Variants in SGCE observed in about 807,000 individuals in gnomAD.
The protein encoded by SGCE is sarcoglycan epsilon.
Under a neutral mutation model 57.8 loss-of-function variants are expected in SGCE, and 26 were observed. The observed-to-expected ratio is 0.45, with a 90% CI of 0.33 to 0.62. The LOEUF is 0.62. Ranked by LOEUF, SGCE falls within the 20% of genes least tolerant of loss-of-function variation. SGCE has a pLI of 0.02. For synonymous variants in SGCE, 183 were observed against 189.5 expected, an observed-to-expected ratio of 0.97 and a Z score of 0.28; for missense variants, 468 against 548.6, an observed-to-expected ratio of 0.85 and a Z score of 1.47.
At chr7:94,624,521 T>C (rs1803383783) in intron 3 of SGCE, 2 of 293,288 alleles carry the variant, frequency 6.8e-6, no homozygotes, top group East Asian at 5.4e-5. Context: ...TCATATTTAA[T>C]TATTTCCTTG....
At chr7:94,642,644 A>G (rs1051824579) in intron 1 of SGCE, among the ~76,000 whole-genome samples, 2 of 152,184 alleles carry the variant, frequency 1.3e-5, no homozygotes, top group Non-Finnish European at 2.9e-5. Context: ...ATAAACTATT[A>G]CCTGAAAACC....
At chr7:94,651,659 T>G (rs962799964) in intron 1 of SGCE, among the ~76,000 whole-genome samples, 1 of 152,164 alleles carries the variant, frequency 6.6e-6, no homozygotes, top group African/African-American at 2.4e-5. Context: ...GAACAAAGAC[T>G]AGAAGGGATA....
chr7:94,610,996 T>C (rs1165139756), intron 5 of SGCE, among the ~76,000 whole-genome samples: 3 of 152,160 alleles, frequency 2.0e-5, no homozygotes, highest in Admixed American at 2.0e-4. Flanking sequence ...AGGCAGATAA[T>C]AGCTAGTGCT....
intron 9 of SGCE, 189 bp from the exon 10 acceptor site, chr7:94,588,921 A>G (rs1392617787): frequency 6.5e-6 from 4 of 618,266 alleles, no homozygotes; most frequent in African/African-American, 3.7e-5. Context: ...AAAATTAACA[A>G]TATTTGATAA....
intron 9 of SGCE, among the ~76,000 whole-genome samples, chr7:94,590,222 T>TAATA (rs1797486488): frequency 6.6e-6 from 1 of 152,148 alleles, no homozygotes; most frequent in Admixed American, 6.5e-5. Context: ...ATTACTCTTA[T>TAATA]AGTTTAAAAA....
In SGCE at chr7:94,651,935, TTA is replaced by T. The variant is rs760361632; in HGVS notation, c.109+4053_109+4054del. On this transcript the variant is annotated intron_variant, in intron 1 of 10. Coordinates refer to ENST00000648936, the MANE Select transcript of SGCE (RefSeq NM_003919.3). ...AGAAACATTGGCTTTTTCTTCTTTA[TTA>T]TTTTTTTTTTTTGTTTCTCGTACTG... 9.0e-3 allele frequency among the ~76,000 whole-genome samples: 1,071 copies of T among 118,376 alleles called. 5 individuals carry two copies. Among genetic ancestry groups the T allele is most frequent in the Non-Finnish European group, 0.015 (813 of 52,598 alleles). 77.7% of individuals were successfully genotyped at this position (118,376 alleles called of 152,430 possible).
At chr7:94,587,397 C>G in intron 10 of SGCE, 1 of 1,117,210 alleles carries the variant, frequency 9.0e-7, no homozygotes, top group Non-Finnish European at 1.1e-6. Flanking sequence ...CCTACTCACT[C>G]CATGCCTGAA....
intron 10 of SGCE, chr7:94,586,683 G>A: frequency 4.7e-6 from 1 of 210,610 alleles, no homozygotes; most frequent in Non-Finnish European, 8.2e-6. Flanking sequence ...TATTTTTTTA[G>A]TAGAGACAGG....
intron 10 of SGCE, chr7:94,588,084 A>C: frequency 8.1e-7 from 1 of 1,230,218 alleles, no homozygotes; most frequent in Admixed American, 4.1e-5. Flanking sequence ...TTATCTACTC[A>C]GTATAGAGAT....
intron 3 of SGCE, 39 bp downstream of exon 3, chr7:94,628,163 C>CAG (rs1562863596): frequency 7.0e-7 from 1 of 1,438,218 alleles, no homozygotes; most frequent in Non-Finnish European, 9.7e-7. Flanking sequence ...CACACACACA[C>CAG]ATATATGTAT....
intron 3 of SGCE, chr7:94,623,949 G>A (rs1803254670): frequency 5.3e-6 from 2 of 375,094 alleles, no homozygotes; most frequent in Non-Finnish European, 9.4e-6. Flanking sequence ...TGAAGCTTAT[G>A]GAACATGCTC....
chr7:94,608,431 A>G (rs1800497244), intron 5 of SGCE, among the ~76,000 whole-genome samples: 1 of 152,238 alleles, frequency 6.6e-6, no homozygotes, highest in Non-Finnish European at 1.5e-5. Flanking sequence ...GAAGACCTAA[A>G]TAAATGGAGA....
intron 9 of SGCE, among the ~76,000 whole-genome samples, chr7:94,595,307 G>A (rs1798230101): frequency 6.6e-6 from 1 of 152,112 alleles, no homozygotes; most frequent in Admixed American, 6.6e-5. Context: ...GAACAAACTA[G>A]TTTTATGCAG....
At chr7:94,636,296 C>A (rs963753432) in intron 1 of SGCE, among the ~76,000 whole-genome samples, 1 of 152,116 alleles carries the variant, frequency 6.6e-6, no homozygotes, top group Non-Finnish European at 1.5e-5. Flanking sequence ...TATATGTCAT[C>A]CTGTCTGGGC....
chr7:94,642,594 C>T (rs1806548560), intron 1 of SGCE, among the ~76,000 whole-genome samples: 1 of 152,164 alleles, frequency 6.6e-6, no homozygotes, highest in South Asian at 2.1e-4. Flanking sequence ...AAACTGTGAA[C>T]TCTAGAAGAC....
intron 9 of SGCE, among the ~76,000 whole-genome samples, chr7:94,595,310 T>A (rs1301384869): frequency 6.6e-6 from 1 of 152,176 alleles, no homozygotes; most frequent in Admixed American, 6.5e-5. Flanking sequence ...CAAACTAGTT[T>A]TATGCAGTTT....
At chr7:94,608,412 G>T (rs1430092980) in intron 5 of SGCE, among the ~76,000 whole-genome samples, 1 of 152,148 alleles carries the variant, frequency 6.6e-6, no homozygotes, top group Non-Finnish European at 1.5e-5. Flanking sequence ...ACTGATGAAA[G>T]AAATCAAAGA....
intron 5 of SGCE, among the ~76,000 whole-genome samples, chr7:94,607,372 C>G (rs1369581128): frequency 1.3e-5 from 2 of 152,124 alleles, no homozygotes; most frequent in African/African-American, 4.8e-5. Context: ...ACCACACCAG[C>G]ATCTCTCATA....
At chr7:94,641,937 C>G (rs1806438387) in intron 1 of SGCE, among the ~76,000 whole-genome samples, 1 of 152,142 alleles carries the variant, frequency 6.6e-6, no homozygotes, top group African/African-American at 2.4e-5. Context: ...GCTGGGACCA[C>G]TGCAACCGGC....
Sources: allele counts gnomAD v4.1 joint callset (sites outside exome capture counted in the v4.1 genomes callset), GRCh38; gene constraint gnomAD v4.1.1; transcripts MANE v1.5; gene names NCBI Gene and HGNC (gene_info 2026-07-23, HGNC 2026-07-21).